Variants in ZPLD1 observed in about 807,000 individuals in gnomAD.
ZPLD1 encodes the protein zona pellucida like domain containing 1, also known as zona pellucida-like domain-containing protein 1.
A neutral mutation model predicts 47.2 loss-of-function variants in ZPLD1; 34 were observed. The ratio of observed to expected loss-of-function variants is 0.72; its 90% CI spans 0.55 to 0.96. ZPLD1 has a LOEUF of 0.96. Among genes scored for constraint, ZPLD1 ranks in the 40% least tolerant of loss-of-function variants. ZPLD1 has a pLI of 0.00. For missense variants in ZPLD1, 512 were observed against 505.8 expected (o/e 1.01, Z -0.12); for synonymous variants, 176 against 186.2 (o/e 0.95, Z 0.45).
At chr3:102,452,114 CGTGTGT>C (rs56086826) in intron 3 of ZPLD1, among the ~76,000 whole-genome samples, 17,928 of 141,654 alleles carry the variant, frequency 0.13, 1,458 homozygotes, top group African/African-American at 0.23. Context: ...ATATGAAGAC[CGTGTGT>C]GTGTGTGTGT....
chr3:102,465,590 C>T (rs1397530143), intron 8 of ZPLD1, among the ~76,000 whole-genome samples: 2 of 152,048 alleles, frequency 1.3e-5, no homozygotes, highest in Non-Finnish European at 2.9e-5. Context: ...TGACATTTCT[C>T]TTATTTTCCC....
intron 11 of ZPLD1, 126 bp downstream of exon 11, chr3:102,477,167 G>A: frequency 1.8e-6 from 2 of 1,090,530 alleles, no homozygotes; most frequent in Non-Finnish European, 2.7e-6. Flanking sequence ...ACAGTTCACT[G>A]AGGGTTTTCA....
chr3:102,434,619 C>T (rs1456576397), upstream of ZPLD1, among the ~76,000 whole-genome samples: 2 of 152,126 alleles, frequency 1.3e-5, no homozygotes, highest in Non-Finnish European at 2.9e-5. Flanking sequence ...AAATAAGAAA[C>T]ACATACAAAA....
At chr3:102,464,635 T>C (rs1371796451) in intron 8 of ZPLD1, among the ~76,000 whole-genome samples, 4 of 152,174 alleles carry the variant, frequency 2.6e-5, no homozygotes, top group African/African-American at 9.7e-5. Flanking sequence ...AAAAGGAGAG[T>C]AAAATTAAAG....
intron 7 of ZPLD1, among the ~76,000 whole-genome samples, chr3:102,402,606 C>T (rs1706634401): frequency 6.6e-6 from 1 of 152,122 alleles, no homozygotes; most frequent in African/African-American, 2.4e-5. Flanking sequence ...ATGGCGACAA[C>T]ATTGCAGGCC....
At chr3:102,421,176 A>G (rs1376136248) in intron 8 of ZPLD1, among the ~76,000 whole-genome samples, 1 of 151,914 alleles carries the variant, frequency 6.6e-6, no homozygotes, top group Non-Finnish European at 1.5e-5. Flanking sequence ...ATATTTGCTC[A>G]TATGTGCTTA....
Position 102,452,981 on chromosome 3 carries a change from A to G in ZPLD1, c.169A>G (p.Thr57Ala), listed in dbSNP as rs1707360516. 2 of 1,614,090 alleles carry G rather than the reference A, an allele frequency of 1.2e-6. No individual in the cohort carries two copies. Among genetic ancestry groups the G allele is most frequent in the Non-Finnish European group, 1.7e-6 (2 of 1,179,976 alleles). ...QAITMKINFCTVLFSGYSETD... is the reference protein window; with the variant it reads ...QAITMKINFCAVLFSGYSETD... ...TATTACGATGAAGATTAATTTTTGC[A>G]CGGTACTTTTCTCGGGTTATTCGGA... Residue 57 changes from threonine (T) to alanine (A), a missense_variant, in exon 4 of 12, where the codon ACG becomes GCG. Physicochemically the swap from Thr to Ala is moderately conservative, Grantham distance 58 (BLOSUM62 0). Coordinates refer to ENST00000466937, the MANE Select transcript of ZPLD1 (RefSeq NM_001329788.2).
At chr3:102,385,777 A>C (rs1706418152) in intron 6 of ZPLD1, among the ~76,000 whole-genome samples, 2 of 152,230 alleles carry the variant, frequency 1.3e-5, no homozygotes, top group Non-Finnish European at 2.9e-5. Flanking sequence ...ATTTGTTTGA[A>C]TTATGCTATG....
At chr3:102,430,763 G>A (rs1339910286), upstream of ZPLD1, among the ~76,000 whole-genome samples, 4 of 152,106 alleles carry the variant, frequency 2.6e-5, no homozygotes, top group Admixed American at 2.0e-4. Context: ...TTCCTGTGCT[G>A]TGCCTTCTCA....
At chr3:102,428,310 T>G (rs1706974676) in intron 8 of ZPLD1, among the ~76,000 whole-genome samples, 1 of 152,204 alleles carries the variant, frequency 6.6e-6, no homozygotes, top group South Asian at 2.1e-4. Flanking sequence ...CTAACATGGC[T>G]TCTGAAGCAA....
chr3:102,427,139 T>C (rs756038542), intron 8 of ZPLD1, among the ~76,000 whole-genome samples: 1 of 152,192 alleles, frequency 6.6e-6, no homozygotes, highest in Non-Finnish European at 1.5e-5. Context: ...AGTACTATTA[T>C]AAATTACCAG....
chr3:102,395,922 C>G (rs1281841288), intron 7 of ZPLD1, among the ~76,000 whole-genome samples: 1 of 152,106 alleles, frequency 6.6e-6, no homozygotes, highest in Admixed American at 6.6e-5. Flanking sequence ...TTCTGACTTT[C>G]TTCAGGCTAT....
chr3:102,460,154 G>A (rs1362348502), intron 6 of ZPLD1, among the ~76,000 whole-genome samples: 2 of 151,870 alleles, frequency 1.3e-5, no homozygotes, highest in Non-Finnish European at 2.9e-5. Context: ...TAATTTTATT[G>A]TAGCATTCCA....
chr3:102,472,912 AT>A (rs2107358295), intron 10 of ZPLD1, among the ~76,000 whole-genome samples: 1 of 152,346 alleles, frequency 6.6e-6, no homozygotes, highest in Admixed American at 6.5e-5. Context: ...AGACTGTGTA[AT>A]TTATAAAGAA....
exon 7 of ZPLD1, chr3:102,392,178 T>C (rs1303080337): frequency 6.6e-6 from 1 of 152,196 alleles, no homozygotes; most frequent in Non-Finnish European, 1.5e-5. Context: ...AGGCACTTAG[T>C]ATAAACCGAT....
At chr3:102,424,995 G>GTT (rs5851307) in intron 8 of ZPLD1, among the ~76,000 whole-genome samples, 37 of 146,136 alleles carry the variant, frequency 2.5e-4, no homozygotes, top group African/African-American at 8.9e-4. Flanking sequence ...AATAGCTGGG[G>GTT]TTTTTTTTTT....
intron 7 of ZPLD1, among the ~76,000 whole-genome samples, chr3:102,408,150 C>A (rs948717019): frequency 6.6e-6 from 1 of 151,888 alleles, no homozygotes; most frequent in Non-Finnish European, 1.5e-5. Flanking sequence ...CAGATGCCCT[C>A]TAGCTTTTAG....
At chr3:102,465,709 A>G (rs1194558148) in intron 8 of ZPLD1, among the ~76,000 whole-genome samples, 1 of 152,184 alleles carries the variant, frequency 6.6e-6, no homozygotes, top group African/African-American at 2.4e-5. Context: ...CTTATTGGAA[A>G]CCATTCAGAG....
intron 3 of ZPLD1, among the ~76,000 whole-genome samples, chr3:102,441,973 G>C (rs111728827): frequency 0.015 from 2,320 of 152,248 alleles, 25 homozygotes; most frequent in Non-Finnish European, 0.026. Flanking sequence ...CCTAAGCGCA[G>C]AAACAGGGAC....
Sources: allele counts gnomAD v4.1 joint callset (sites outside exome capture counted in the v4.1 genomes callset), GRCh38; gene constraint gnomAD v4.1.1; transcripts MANE v1.5; gene names NCBI Gene and HGNC (gene_info 2026-07-23, HGNC 2026-07-21).